CHLSN: variants seen among roughly 807,000 people sequenced by gnomAD.
CHLSN encodes the protein protein cholesin.
At chr7:987,330 CCCA>C in the CHLSN span, 8 of 1,561,374 alleles carry the variant, frequency 5.1e-6, no homozygotes, top group African/African-American at 1.3e-5. Flanking sequence ...ACCCAAGCGG[CCCA>C]CCCTTTGCCC....
chr7:1,131,666 T>A, the CHLSN span, among the ~76,000 whole-genome samples: 2 of 152,210 alleles, frequency 1.3e-5, no homozygotes, highest in African/African-American at 4.8e-5. Context: ...CAAGAGACCA[T>A]GCCAGCCAAT....
chr7:1,030,360 C>T, the CHLSN span, among the ~76,000 whole-genome samples: 3 of 152,214 alleles, frequency 2.0e-5, no homozygotes, highest in African/African-American at 7.2e-5. Context: ...GTGCTGGTGG[C>T]TCTGGGCTGC....
chr7:1,123,954 C>T, the CHLSN span, among the ~76,000 whole-genome samples: 1 of 151,988 alleles, frequency 6.6e-6, no homozygotes, highest in Admixed American at 6.6e-5. The surrounding 1 kb of genome is among the most constrained non-coding windows in gnomAD (Gnocchi z 4.4). Flanking sequence ...AGCTCCAGGT[C>T]GCTTCCCAAC....
the CHLSN span, among the ~76,000 whole-genome samples, chr7:982,104 C>A: frequency 3.3e-5 from 5 of 152,320 alleles, no homozygotes; most frequent in South Asian, 1.0e-3. Flanking sequence ...GCAGGTAGGA[C>A]CCCCAGCCTA....
chr7:995,864 A>C, the CHLSN span, among the ~76,000 whole-genome samples: 1 of 152,244 alleles, frequency 6.6e-6, no homozygotes, highest in African/African-American at 2.4e-5. Flanking sequence ...AATTTTGGCC[A>C]CAACAGTTGG....
chr7:1,133,529 T>A, the CHLSN span, among the ~76,000 whole-genome samples: 1 of 151,298 alleles, frequency 6.6e-6, no homozygotes, highest in Non-Finnish European at 1.5e-5. Flanking sequence ...GGCAGATGGA[T>A]CACGAGGTCA....
At chr7:1,048,056 G>C in the CHLSN span, among the ~76,000 whole-genome samples, 1 of 152,170 alleles carries the variant, frequency 6.6e-6, no homozygotes, top group Non-Finnish European at 1.5e-5. Flanking sequence ...CTGGCGGAGG[G>C]GTGTGGAGAC....
At chr7:1,020,264 G>A in the CHLSN span, among the ~76,000 whole-genome samples, 1 of 152,184 alleles carries the variant, frequency 6.6e-6, no homozygotes, top group East Asian at 1.9e-4. Flanking sequence ...CCCTCCTGGG[G>A]CTCCCTGAGA....
chr7:1,084,071 A>G, the CHLSN span, among the ~76,000 whole-genome samples: 1 of 152,252 alleles, frequency 6.6e-6, no homozygotes, highest in African/African-American at 2.4e-5. Flanking sequence ...GGATGTCCCT[A>G]AAGTCAGGAT....
chr7:1,019,628 G>C, the CHLSN span, among the ~76,000 whole-genome samples: 1 of 152,248 alleles, frequency 6.6e-6, no homozygotes, highest in African/African-American at 2.4e-5. Context: ...AGGCTGCGCA[G>C]GCCTAGTGGC....
At chr7:1,114,084 T>C in the CHLSN span, among the ~76,000 whole-genome samples, 1 of 152,356 alleles carries the variant, frequency 6.6e-6, no homozygotes, top group African/African-American at 2.4e-5. Flanking sequence ...GCGGTGCCCA[T>C]GGCAAGCTTT....
the CHLSN span, among the ~76,000 whole-genome samples, chr7:990,684 C>T: frequency 3.9e-5 from 6 of 152,124 alleles, no homozygotes; most frequent in African/African-American, 1.4e-4. Context: ...GGCTCGGCTG[C>T]GTCCGCTCAC....
At chr7:1,138,148 C>T in the CHLSN span, 2 of 151,772 alleles carry the variant, frequency 1.3e-5, no homozygotes, top group East Asian at 3.9e-4. Flanking sequence ...CTCCTGGCGC[C>T]CTGACCCGCC....
chr7:1,065,837 G>C, the CHLSN span, among the ~76,000 whole-genome samples: 4 of 152,362 alleles, frequency 2.6e-5, no homozygotes, highest in African/African-American at 4.8e-5. Flanking sequence ...CACGCAGTAA[G>C]ATTTCAAGTG....
chr7:1,008,771 C>G, the CHLSN span, among the ~76,000 whole-genome samples: 2 of 151,792 alleles, frequency 1.3e-5, no homozygotes, highest in Admixed American at 6.6e-5. Flanking sequence ...TGCATAAACA[C>G]ACACGCACAC....
the CHLSN span, among the ~76,000 whole-genome samples, chr7:1,023,673 A>ACC: frequency 3.1e-5 from 3 of 95,994 alleles, no homozygotes; most frequent in African/African-American, 1.1e-4. This position sits in a 1 kb window ranked among gnomAD's most constrained non-coding sequence, Gnocchi z 5.0. Flanking sequence ...ACACACACAC[A>ACC]CACACCAGCA....
the CHLSN span, among the ~76,000 whole-genome samples, chr7:1,116,458 A>G: frequency 1.8e-5 from 2 of 111,006 alleles, no homozygotes; most frequent in Non-Finnish European, 3.5e-5. Flanking sequence ...ACGCAGGATG[A>G]TGACATCACT....
the CHLSN span, chr7:988,303 C>T: frequency 6.2e-7 from 1 of 1,604,362 alleles, no homozygotes; most frequent in Non-Finnish European, 8.5e-7. Flanking sequence ...CCCTGCTGAC[C>T]TCGGTGCTCC....
the CHLSN span, among the ~76,000 whole-genome samples, chr7:1,021,140 A>C: frequency 6.6e-6 from 1 of 150,946 alleles, no homozygotes; most frequent in Non-Finnish European, 1.5e-5. Context: ...GGCTGGAGAC[A>C]TTCCAGTAGG....
Sources: allele counts gnomAD v4.1 joint callset (sites outside exome capture counted in the v4.1 genomes callset), GRCh38; gene constraint gnomAD v4.1.1; non-coding constraint Gnocchi (gnomAD v3.1); transcripts MANE v1.5; gene names NCBI Gene and HGNC (gene_info 2026-07-23, HGNC 2026-07-21).